Variants in NEDD9 observed in about 807,000 individuals in gnomAD.
NEDD9 encodes neural precursor cell expressed, developmentally down-regulated 9.
In NEDD9, 26 loss-of-function variants were observed where a neutral mutation model predicts 76.6. The observed-to-expected ratio is 0.34, with a 90% confidence interval of 0.25 to 0.47. The LOEUF is 0.47. NEDD9 is among the 20% of genes least tolerant of loss of function. The probability of loss-of-function intolerance (pLI) is 1.00; values close to 1 mark genes in which losing one functional copy is unlikely to be tolerated. For synonymous variants in NEDD9, 392 were observed against 414.2 expected (o/e 0.95, Z 0.65); for missense variants, 937 against 1,058.5 (o/e 0.89, Z 1.59).
chr6:11,322,361 TAGTC>T (rs1279722071), intron 2 of NEDD9, among the ~76,000 whole-genome samples: 2 of 151,934 alleles, frequency 1.3e-5, no homozygotes, highest in Admixed American at 6.6e-5. Context: ...CTTTGTGAAT[TAGTC>T]AGGTTCACTG....
At chr6:11,303,153 G>A (rs1761096285) in intron 3 of NEDD9, among the ~76,000 whole-genome samples, 1 of 152,154 alleles carries the variant, frequency 6.6e-6, no homozygotes, top group Non-Finnish European at 1.5e-5. Flanking sequence ...AAGCTAATAA[G>A]CAACTTCAGC....
chr6:11,372,555 T>G (rs1340195131), intron 1 of NEDD9, among the ~76,000 whole-genome samples: 1 of 152,182 alleles, frequency 6.6e-6, no homozygotes, highest in African/African-American at 2.4e-5. Flanking sequence ...TATTTTTAGT[T>G]TTTTGAGGAA....
chr6:11,241,555 A>T lies in NEDD9; in HGVS notation c.13-27828T>A, dbSNP rs7738851. 0.3 allele frequency among the ~76,000 whole-genome samples: 45,453 copies of T among 152,010 alleles called. 9,564 individuals carry two copies. Among genetic ancestry groups the T allele is most frequent in the East Asian group, 0.59 (3,049 of 5,162 alleles). Reference sequence around the variant, plus strand: ...CGAGCTTTGCCATTCTCCAGCGCACACTGGCCTCCGGAAGCCATCTTCCAC... The same window carrying T: ...CGAGCTTTGCCATTCTCCAGCGCACTCTGGCCTCCGGAAGCCATCTTCCAC... On this transcript the variant is annotated intron_variant, in intron 3 of 3. Transcript: ENST00000397378. The surrounding 1 kb of genome is among the most constrained non-coding windows in gnomAD (Gnocchi z 4.0).
At chr6:11,237,185 T>C (rs773120904), upstream of NEDD9, among the ~76,000 whole-genome samples, 1 of 152,166 alleles carries the variant, frequency 6.6e-6, no homozygotes, top group South Asian at 2.1e-4. This position sits in a 1 kb window ranked among gnomAD's most constrained non-coding sequence, Gnocchi z 4.9. Context: ...ACGGCCCTAT[T>C]ATAAGGGCTT....
At chr6:11,302,716 C>T (rs879867859) in intron 3 of NEDD9, among the ~76,000 whole-genome samples, 3 of 152,188 alleles carry the variant, frequency 2.0e-5, no homozygotes, top group Non-Finnish European at 4.4e-5. Flanking sequence ...TCAACATACA[C>T]AAATCTGTAA....
At chr6:11,204,591 G>A (rs1056070440) in intron 2 of NEDD9, among the ~76,000 whole-genome samples, 10 of 151,724 alleles carry the variant, frequency 6.6e-5, no homozygotes, top group Admixed American at 1.3e-4. Flanking sequence ...ATGGTAGTGC[G>A]CACCCATAGT....
At chr6:11,236,893 C>G (rs1470458257), upstream of NEDD9, among the ~76,000 whole-genome samples, 1 of 152,144 alleles carries the variant, frequency 6.6e-6, no homozygotes, top group Non-Finnish European at 1.5e-5. The surrounding 1 kb of genome is among the most constrained non-coding windows in gnomAD (Gnocchi z 5.5). Context: ...TGAACCCACC[C>G]TTTCTTTCTC....
At chr6:11,318,921 T>C (rs1238911658) in intron 2 of NEDD9, among the ~76,000 whole-genome samples, 1 of 152,244 alleles carries the variant, frequency 6.6e-6, no homozygotes, top group African/African-American at 2.4e-5. Flanking sequence ...AGGTGAGAAT[T>C]TGTCCAGTTT....
At chr6:11,280,322 T>C (rs1433916804) in intron 3 of NEDD9, among the ~76,000 whole-genome samples, 2 of 152,196 alleles carry the variant, frequency 1.3e-5, no homozygotes, top group Non-Finnish European at 2.9e-5. Flanking sequence ...ACTCCACCAC[T>C]TGGCTGTGAG....
intron 1 of NEDD9, among the ~76,000 whole-genome samples, chr6:11,380,498 C>T (rs1442304920): frequency 6.6e-6 from 1 of 152,222 alleles, no homozygotes; most frequent in Non-Finnish European, 1.5e-5. Flanking sequence ...TGGGCAATTA[C>T]AGTTGTCCCT....
intron 3 of NEDD9, among the ~76,000 whole-genome samples, chr6:11,238,709 C>T (rs1009665576): frequency 1.3e-5 from 2 of 152,214 alleles, no homozygotes; most frequent in Non-Finnish European, 2.9e-5. Context: ...TCCCTCCAAT[C>T]TTCCTCTGTA....
At chr6:11,285,056 G>C (rs951006453) in intron 3 of NEDD9, among the ~76,000 whole-genome samples, 2 of 152,030 alleles carry the variant, frequency 1.3e-5, no homozygotes, top group African/African-American at 4.8e-5. Context: ...CTTCACAACC[G>C]GTGTTACGTT....
At chr6:11,235,250 G>C (rs918328107), upstream of NEDD9, among the ~76,000 whole-genome samples, 6 of 151,888 alleles carry the variant, frequency 4.0e-5, no homozygotes, top group Non-Finnish European at 1.5e-5. This position sits in a 1 kb window ranked among gnomAD's most constrained non-coding sequence, Gnocchi z 4.1. Flanking sequence ...ATATTCTATA[G>C]ATTATTATTT....
chr6:11,362,274 C>T (rs1762692559), intron 1 of NEDD9, among the ~76,000 whole-genome samples: 1 of 152,216 alleles, frequency 6.6e-6, no homozygotes, highest in Non-Finnish European at 1.5e-5. Flanking sequence ...GAATGTTAGT[C>T]TCCAGAACTG....
At chr6:11,232,445 A>T in intron 1 of NEDD9, 59 bp downstream of exon 1, 1 of 1,606,812 alleles carries the variant, frequency 6.2e-7, no homozygotes, top group Non-Finnish European at 8.5e-7. Context: ...ATACACAAGC[A>T]CACACCCGCA....
At chr6:11,242,849 G>A (rs767121410) in intron 3 of NEDD9, among the ~76,000 whole-genome samples, 18 of 152,214 alleles carry the variant, frequency 1.2e-4, no homozygotes, top group Non-Finnish European at 1.9e-4. Flanking sequence ...GAGATTTAGA[G>A]CATATACCAC....
intron 3 of NEDD9, among the ~76,000 whole-genome samples, chr6:11,274,876 C>T (rs1407818702): frequency 6.6e-6 from 1 of 152,146 alleles, no homozygotes; most frequent in Non-Finnish European, 1.5e-5. Flanking sequence ...TAGATATATA[C>T]ACACTTCTAG....
chr6:11,306,321 G>A (rs1327995261), intron 2 of NEDD9, among the ~76,000 whole-genome samples: 1 of 152,100 alleles, frequency 6.6e-6, no homozygotes, highest in Non-Finnish European at 1.5e-5. Context: ...AGCATTTATG[G>A]GGTTCTTACT....
intron 1 of NEDD9, among the ~76,000 whole-genome samples, chr6:11,343,984 G>T (rs980172629): frequency 6.6e-6 from 1 of 152,232 alleles, no homozygotes; most frequent in African/African-American, 2.4e-5. Flanking sequence ...TCCATTGGAA[G>T]ATAGGACTGT....
Sources: allele counts gnomAD v4.1 joint callset (sites outside exome capture counted in the v4.1 genomes callset), GRCh38; gene constraint gnomAD v4.1.1; non-coding constraint Gnocchi (gnomAD v3.1); transcripts MANE v1.5; gene names NCBI Gene and HGNC (gene_info 2026-07-23, HGNC 2026-07-21).